Variants in CSMD1 observed in about 807,000 individuals in gnomAD.
The protein encoded by CSMD1 is CUB and Sushi multiple domains 1, also known as CUB and sushi domain-containing protein 1.
In CSMD1, 213 loss-of-function variants were observed where a neutral mutation model predicts 417.5. That is an observed-to-expected ratio of 0.51 (90% confidence interval 0.46 to 0.57). CSMD1 has a LOEUF of 0.57. Ranked by LOEUF, CSMD1 falls within the 20% of genes least tolerant of loss-of-function variation. The pLI is 0.00. For missense variants in CSMD1, 6,923 were observed against 4,529.7 expected (o/e 1.53, Z -15.17); for synonymous variants, 2,862 against 1,736.8 (o/e 1.65, Z -16.11).
intron 5 of CSMD1, among the ~76,000 whole-genome samples, chr8:3,771,502 C>A (rs997868356): frequency 6.6e-6 from 1 of 152,134 alleles, no homozygotes; most frequent in Non-Finnish European, 1.5e-5. Context: ...CTCGAACACA[C>A]AACAGTTTGG....
At chr8:4,500,646 G>T (rs994742508) in intron 2 of CSMD1, among the ~76,000 whole-genome samples, 1 of 152,154 alleles carries the variant, frequency 6.6e-6, no homozygotes, top group Non-Finnish European at 1.5e-5. Flanking sequence ...ACGAAAGTGA[G>T]AGGTGTTAGT....
At chr8:4,036,228 G>A (rs1041599387) in intron 3 of CSMD1, among the ~76,000 whole-genome samples, 3 of 152,154 alleles carry the variant, frequency 2.0e-5, no homozygotes, top group East Asian at 1.9e-4. Flanking sequence ...TTCTCAGAAT[G>A]CATCCCAGTT....
At chr8:2,999,847 G>C (rs1357344874) in intron 53 of CSMD1, 111 bp downstream of exon 53, 5 of 922,246 alleles carry the variant, frequency 5.4e-6, no homozygotes, top group Non-Finnish European at 7.7e-6. Flanking sequence ...CTGAAAGTTT[G>C]CTGTTCCCTT....
chr8:3,025,981 G>A (rs533332590), intron 51 of CSMD1, among the ~76,000 whole-genome samples: 2 of 152,262 alleles, frequency 1.3e-5, no homozygotes, highest in African/African-American at 4.8e-5. Context: ...AGAATTCGAA[G>A]GTGGTCCCTA....
At chr8:4,718,652 T>C (rs1808845099) in intron 1 of CSMD1, among the ~76,000 whole-genome samples, 1 of 152,072 alleles carries the variant, frequency 6.6e-6, no homozygotes, top group Non-Finnish European at 1.5e-5. Flanking sequence ...ATAAAATCAA[T>C]TTTTAAAAAA....
intron 30 of CSMD1, among the ~76,000 whole-genome samples, chr8:3,208,526 A>G (rs1181839148): frequency 6.6e-6 from 1 of 152,118 alleles, no homozygotes; most frequent in East Asian, 1.9e-4. Flanking sequence ...CGGCCTCCCA[A>G]GGTGCTGGGA....
chr8:3,949,539 G>A (rs78417685), intron 5 of CSMD1, among the ~76,000 whole-genome samples: 1 of 152,176 alleles, frequency 6.6e-6, no homozygotes, highest in Non-Finnish European at 1.5e-5. Context: ...GCAACATTAA[G>A]TGTGTCTAAT....
rs865893544 is a variant in CSMD1 at position 3,412,008 on chromosome 8, A to G, written c.1562-2403T>C. ...TATATATACGTGTATATACACGTAT[A>G]TATATACATATACACACGTATATAT... On this transcript the variant is annotated intron_variant, in intron 12 of 69. Coordinates refer to ENST00000635120, the MANE Select transcript of CSMD1 (RefSeq NM_033225.6). Among the ~76,000 whole-genome samples the G allele has an allele frequency of 2.0e-3, 97 of 49,396 alleles. 37 individuals are homozygous for G. Among genetic ancestry groups the G allele is most frequent in the African/African-American group, 7.9e-3 (91 of 11,458 alleles). The allele number at this position is 49,396 out of a possible 152,430, so 32.4% of individuals were successfully genotyped here. A position where few individuals can be genotyped will look rare whatever the true frequency, so the allele number is the denominator to read the frequency against.
At chr8:4,873,098 G>T (rs1284993318) in intron 1 of CSMD1, among the ~76,000 whole-genome samples, 2 of 151,974 alleles carry the variant, frequency 1.3e-5, no homozygotes, top group African/African-American at 4.8e-5. Context: ...TTGTAACATG[G>T]TTACCAAAAT....
In CSMD1 at chr8:4,083,301, G is replaced by T. The variant is rs538693896; in HGVS notation, c.416-51202C>A. 2.7e-4 allele frequency among the ~76,000 whole-genome samples: 41 copies of T among 152,118 alleles called. 1 individual carries two copies. The Middle Eastern group carries it at 0.014, about 51-fold the overall frequency. On this transcript the variant is annotated intron_variant, in intron 3 of 69. Coordinates refer to ENST00000635120, the MANE Select transcript of CSMD1 (RefSeq NM_033225.6). ...GTCGTTTCCTGACTTTTTAATGATC[G>T]CCATTCTAACTGGTGTGAGATGGTA...
chr8:4,975,111 C>T (rs1157699210), intron 1 of CSMD1, among the ~76,000 whole-genome samples: 1 of 152,004 alleles, frequency 6.6e-6, no homozygotes, highest in African/African-American at 2.4e-5. Context: ...GGGCTAGGTC[C>T]CCATAAAAAA....
chr8:4,030,277 G>T (rs1031819064), intron 4 of CSMD1, among the ~76,000 whole-genome samples: 6 of 152,164 alleles, frequency 3.9e-5, no homozygotes, highest in African/African-American at 1.4e-4. Flanking sequence ...CCTAGCAAAG[G>T]TTCTCCATGA....
At chr8:3,416,467 C>T (rs117314932) in intron 12 of CSMD1, among the ~76,000 whole-genome samples, 28 of 152,162 alleles carry the variant, frequency 1.8e-4, no homozygotes, top group Non-Finnish European at 3.8e-4. Flanking sequence ...TTTAAACATC[C>T]AATTTCCACA....
chr8:4,330,575 G>A lies in CSMD1; in HGVS notation c.415+89378C>T, dbSNP rs143569704. Among the ~76,000 whole-genome samples the A allele has an allele frequency of 2.8e-3, 394 of 142,780 alleles. 3 individuals carry two copies. Among genetic ancestry groups the A allele is most frequent in the Non-Finnish European group, 4.2e-3 (278 of 65,464 alleles). The allele number at this position is 142,780 out of a possible 152,430, so 93.7% of individuals were successfully genotyped here. A position where few individuals can be genotyped will look rare whatever the true frequency, so the allele number is the denominator to read the frequency against. ...ACAGCACTTCAGCCTGGGCAACAGAGTGAAACCCTGTCTCAAAAAAAAAAA... is the reference window on the plus strand; with the variant it reads ...ACAGCACTTCAGCCTGGGCAACAGAATGAAACCCTGTCTCAAAAAAAAAAA... On this transcript the variant is annotated intron_variant, in intron 3 of 69. Coordinates refer to ENST00000635120, the MANE Select transcript of CSMD1 (RefSeq NM_033225.6).
At chr8:3,458,529 C>T (rs1325705936) in intron 12 of CSMD1, among the ~76,000 whole-genome samples, 1 of 152,174 alleles carries the variant, frequency 6.6e-6, no homozygotes. Context: ...CAATATCTTT[C>T]TAATATATAG....
At chr8:3,722,432 TTAAA>T (rs1442045479) in intron 6 of CSMD1, among the ~76,000 whole-genome samples, 6 of 152,318 alleles carry the variant, frequency 3.9e-5, no homozygotes, top group East Asian at 1.9e-4. Flanking sequence ...ACTCCTAATC[TTAAA>T]TAAATATTAA....
chr8:2,965,288 C>G (rs1487753823), intron 59 of CSMD1, among the ~76,000 whole-genome samples: 3 of 152,150 alleles, frequency 2.0e-5, no homozygotes, highest in African/African-American at 7.2e-5. Context: ...GCCTTCTCGG[C>G]CAGTGTCATC....
intron 10 of CSMD1, among the ~76,000 whole-genome samples, chr8:3,556,335 G>A (rs1799139984): frequency 6.9e-6 from 1 of 145,744 alleles, no homozygotes; most frequent in Non-Finnish European, 1.5e-5. Flanking sequence ...ATGTCCATGA[G>A]TTCAATTGAT....
chr8:4,234,078 T>G (rs2128816297), intron 3 of CSMD1, among the ~76,000 whole-genome samples: 1 of 152,256 alleles, frequency 6.6e-6, no homozygotes, highest in Non-Finnish European at 1.5e-5. Context: ...AACCCCTGCC[T>G]AAGTACTAAC....
Sources: gnomAD v4.1 joint callset for allele counts (sites outside exome capture counted in the v4.1 genomes callset) on GRCh38, gnomAD v4.1.1 for gene constraint, MANE v1.5 for transcripts, NCBI Gene and HGNC (gene_info 2026-07-23, HGNC 2026-07-21) for gene names.